The following ADGRL2 variants were observed in gnomAD, a reference collection of about 807,000 sequenced individuals.
ADGRL2 encodes the protein calcium-independent alpha-latrotoxin receptor 2.
In ADGRL2, 44 loss-of-function variants were observed where a neutral mutation model predicts 157.4. The ratio of observed to expected loss-of-function variants is 0.28; its 90% confidence interval spans 0.22 to 0.36. The LOEUF is 0.36. ADGRL2 is among the 10% of genes least tolerant of loss of function. ADGRL2 has a pLI of 1.00. For synonymous variants in ADGRL2, 585 were observed against 624.7 expected (o/e 0.94, Z 0.95); for missense variants, 1,510 against 1,768.9 (o/e 0.85, Z 2.63).
chr1:81,861,890 GA>G (rs1035307729), intron 2 of ADGRL2, among the ~76,000 whole-genome samples: 44 of 139,436 alleles, frequency 3.2e-4, no homozygotes, highest in East Asian at 4.2e-4. Context: ...CTCAAAAGAA[GA>G]AAAAAAAAAA....
At chr1:81,611,704 A>C (rs199794861) in intron 3 of ADGRL2, among the ~76,000 whole-genome samples, 1 of 151,728 alleles carries the variant, frequency 6.6e-6, no homozygotes, top group African/African-American at 2.4e-5. Context: ...CACCAAAACC[A>C]CCTGGGGGGC....
chr1:81,937,978 A>G (rs1445727996), intron 4 of ADGRL2, among the ~76,000 whole-genome samples: 2 of 151,820 alleles, frequency 1.3e-5, no homozygotes, highest in Non-Finnish European at 2.9e-5. Context: ...CAGTTTTGAC[A>G]AATTGGCTTT....
chr1:81,475,680 GAGATGGACAGAGAAGTACAAA>G (rs2078258317), intron 2 of ADGRL2, among the ~76,000 whole-genome samples: 1 of 152,110 alleles, frequency 6.6e-6, no homozygotes, highest in Non-Finnish European at 1.5e-5. Context: ...TTGGGGGGAG[GAGATGGACAGAGAAGTACAAA>G]AGACAAGAAA....
Position 81,319,856 on chromosome 1 carries a change from A to T in ADGRL2, c.-302+13347A>T, listed in dbSNP as rs575317577. On this transcript the variant is annotated intron_variant, in intron 1 of 24. Coordinates refer to the ADGRL2 transcript ENST00000370721. ...TGTTGGTGGCTGCTGACTTATCAGG[A>T]TGGTAGTTGCTGAAGGTTGCAGTGG... is the stretch of plus-strand genomic sequence containing the variant. Among the ~76,000 whole-genome samples, 9 of 152,254 alleles carry T rather than the reference A, an allele frequency of 5.9e-5. No homozygotes were observed. The East Asian group carries it at 1.7e-3, about 29-fold the overall frequency.
At chr1:81,435,220 C>A (rs1251427428) in intron 1 of ADGRL2, among the ~76,000 whole-genome samples, 1 of 152,118 alleles carries the variant, frequency 6.6e-6, no homozygotes, top group Non-Finnish European at 1.5e-5. Context: ...ATAAACTGAC[C>A]TTTCTGCTTC....
intron 2 of ADGRL2, among the ~76,000 whole-genome samples, chr1:81,863,135 G>A (rs2150826916): frequency 6.6e-6 from 1 of 152,266 alleles, no homozygotes; most frequent in South Asian, 2.1e-4. Context: ...AATAGCCGGT[G>A]CTAGCTGGTG....
intron 1 of ADGRL2, among the ~76,000 whole-genome samples, chr1:81,754,738 A>G (rs1034648137): frequency 7.3e-6 from 1 of 136,504 alleles, no homozygotes; most frequent in South Asian, 2.2e-4. Flanking sequence ...CTTTCTTTCA[A>G]TAACACAGTG....
chr1:81,714,163 TG>T (rs2084030947), intron 1 of ADGRL2, among the ~76,000 whole-genome samples: 1 of 152,170 alleles, frequency 6.6e-6, no homozygotes, highest in Admixed American at 6.5e-5. Flanking sequence ...GTGGGGATTA[TG>T]GGAGCTACAA....
intron 1 of ADGRL2, among the ~76,000 whole-genome samples, chr1:81,410,825 G>C (rs1292349827): frequency 3.9e-5 from 6 of 152,156 alleles, no homozygotes; most frequent in Non-Finnish European, 7.3e-5. Context: ...TGCAATATCT[G>C]TTTGCTATAA....
intron 1 of ADGRL2, among the ~76,000 whole-genome samples, chr1:81,826,902 A>T (rs1370862646): frequency 6.6e-6 from 1 of 152,222 alleles, no homozygotes; most frequent in Non-Finnish European, 1.5e-5. Context: ...TATAATGTTG[A>T]TAGAAAAATT....
intron 3 of ADGRL2, among the ~76,000 whole-genome samples, chr1:81,639,925 C>T (rs1032951314): frequency 2.0e-5 from 3 of 152,178 alleles, no homozygotes; most frequent in South Asian, 2.1e-4. Context: ...TCTTCTTACA[C>T]GTAAATAAAA....
intron 1 of ADGRL2, among the ~76,000 whole-genome samples, chr1:81,835,241 T>C (rs1414032913): frequency 6.6e-6 from 1 of 152,224 alleles, no homozygotes; most frequent in Non-Finnish European, 1.5e-5. Flanking sequence ...GCTTGGAATC[T>C]AGAGTGGTCC....
At chr1:81,478,895 T>C (rs1005049732) in intron 2 of ADGRL2, among the ~76,000 whole-genome samples, 5 of 152,132 alleles carry the variant, frequency 3.3e-5, no homozygotes, top group African/African-American at 7.2e-5. Context: ...CTAGATGCAT[T>C]CTGTTTCATT....
intron 9 of ADGRL2, 133 bp from the exon 10 acceptor site, chr1:81,952,854 T>C: frequency 1.5e-6 from 1 of 676,950 alleles, no homozygotes; most frequent in East Asian, 2.7e-5. Context: ...CAGTGCAGAC[T>C]CAGACTCCAG....
At chr1:81,924,774 C>T (rs758641631) in intron 3 of ADGRL2, among the ~76,000 whole-genome samples, 1 of 151,978 alleles carries the variant, frequency 6.6e-6, no homozygotes, top group Non-Finnish European at 1.5e-5. Flanking sequence ...CCAGACCTGT[C>T]TCAACTTCTA....
intron 2 of ADGRL2, among the ~76,000 whole-genome samples, chr1:81,545,345 G>A (rs916305957): frequency 8.6e-5 from 13 of 150,776 alleles, no homozygotes; most frequent in Admixed American, 6.0e-4. Flanking sequence ...GGAGTGCAGC[G>A]ATGTGATCTT....
intron 1 of ADGRL2, among the ~76,000 whole-genome samples, chr1:81,701,527 C>A (rs183117902): frequency 5.3e-5 from 8 of 152,100 alleles, no homozygotes; most frequent in African/African-American, 1.7e-4. Flanking sequence ...AAATGTCCTG[C>A]GGTGAGATTT....
chr1:81,721,741 G>T (rs560106477), intron 1 of ADGRL2: 77 of 1,429,972 alleles, frequency 5.4e-5, no homozygotes, highest in Non-Finnish European at 7.1e-5. Context: ...AAATGTGTAA[G>T]CAGGATCCGA....
intron 1 of ADGRL2, among the ~76,000 whole-genome samples, chr1:81,720,230 TAG>T (rs1056768170): frequency 2.0e-5 from 3 of 149,404 alleles, no homozygotes; most frequent in African/African-American, 7.4e-5. Context: ...TCACCCTGGC[TAG>T]AGTGCAGTGG....
Sources: allele counts gnomAD v4.1 joint callset (sites outside exome capture counted in the v4.1 genomes callset), GRCh38; gene constraint gnomAD v4.1.1; transcripts MANE v1.5; gene names NCBI Gene and HGNC (gene_info 2026-07-23, HGNC 2026-07-21).